Variants in SLC17A5 observed in about 807,000 individuals in gnomAD.
SLC17A5 encodes solute carrier family 17 member 5.
SLC17A5 carries 47 observed loss-of-function variants against 59.4 expected under a neutral mutation model. The ratio of observed to expected loss-of-function variants is 0.79; its 90% CI spans 0.63 to 1.01. SLC17A5 has a LOEUF of 1.01. Ranked by LOEUF, SLC17A5 falls within the 50% of genes least tolerant of loss-of-function variation. The probability of loss-of-function intolerance (pLI) is 0.00; values close to 1 mark genes in which losing one functional copy is unlikely to be tolerated. For synonymous variants in SLC17A5, 202 were observed against 210.7 expected (o/e 0.96, Z 0.36); for missense variants, 522 against 595.5 (o/e 0.88, Z 1.28).
At chr6:73,651,334 G>A (rs1769850892) in intron 1 of SLC17A5, among the ~76,000 whole-genome samples, 2 of 151,080 alleles carry the variant, frequency 1.3e-5, no homozygotes, top group African/African-American at 2.4e-5. Flanking sequence ...GGTGGCGTAG[G>A]CCTGTAATCC....
chr6:73,631,941 G>A (rs566535955), intron 6 of SLC17A5, among the ~76,000 whole-genome samples: 14 of 149,634 alleles, frequency 9.4e-5, no homozygotes, highest in East Asian at 5.8e-4. Context: ...TTGGGTCCAA[G>A]ATTTAAAGAT....
intron 7 of SLC17A5, among the ~76,000 whole-genome samples, chr6:73,616,163 C>T (rs892171762): frequency 3.9e-5 from 6 of 152,028 alleles, no homozygotes; most frequent in African/African-American, 1.4e-4. Flanking sequence ...GGATTACAGG[C>T]ATGAGCCACC....
chr6:73,643,273 G>A (rs970688668), intron 2 of SLC17A5, among the ~76,000 whole-genome samples: 3 of 147,552 alleles, frequency 2.0e-5, no homozygotes, highest in Non-Finnish European at 3.0e-5. Context: ...CCATTCCCCC[G>A]CTTCAGCCTC....
chr6:73,621,823 A>G lies in SLC17A5; in HGVS notation c.959T>C (p.Leu320Pro). 6.2e-7 allele frequency: 1 copy of G among 1,610,428 alleles called. No individual in the cohort carries two copies. The highest frequency in any genetic ancestry group is 8.5e-7 in the Non-Finnish European group (1 of 1,176,668). ...TCTTACCTCTTGAACATTGAACCTT[A>G]GGATCTCCTTCATATAAGTAGGCAA... is the stretch of plus-strand genomic sequence containing the variant. ...TLLPTYMKEILRFNVQENGFL... is the reference protein window; with the variant it reads ...TLLPTYMKEIPRFNVQENGFL... The change falls in exon 7 of 11, where the codon CTA becomes CCA. Residue 320 changes from leucine (L) to proline (P), a missense_variant. Leu to Pro is a moderately conservative substitution (Grantham distance 98). This residue lies in a region of SLC17A5 where 31 missense variants were observed against 63.2 expected (regional missense o/e 0.49). Transcript: ENST00000355773.
At chr6:73,624,593 C>T (rs998212518) in intron 6 of SLC17A5, among the ~76,000 whole-genome samples, 10 of 151,784 alleles carry the variant, frequency 6.6e-5, no homozygotes, top group South Asian at 6.3e-4. Context: ...AATAAATATA[C>T]GGCCAGGCGT....
At chr6:73,609,121 A>G (rs1053174526) in intron 9 of SLC17A5, among the ~76,000 whole-genome samples, 3 of 152,192 alleles carry the variant, frequency 2.0e-5, no homozygotes, top group Non-Finnish European at 2.9e-5. Context: ...AGAGGGTAAG[A>G]GTCCATCTGT....
At position 73,643,727 on chromosome 6, in the gene SLC17A5, T is replaced by C. The variant is rs571437267; in HGVS notation, c.291+680A>G. Among the ~76,000 whole-genome samples the C allele has an allele frequency of 9.2e-5, 14 of 152,296 alleles. No homozygotes were observed. The East Asian group carries it at 2.1e-3, about 23-fold the overall frequency. On this transcript the variant is annotated intron_variant, in intron 2 of 10. Coordinates refer to ENST00000355773, the MANE Select transcript of SLC17A5 (RefSeq NM_012434.5). ...ACTCACCTCAGGTGATCCACCTGCC[T>C]CAGCCTCCTAAAGTGCTGGGATTAC...
At position 73,594,893 on chromosome 6, in the gene SLC17A5, T is replaced by G; in HGVS notation, c.*184A>C. The G allele has an allele frequency of 3.0e-6, 2 of 665,824 alleles. No homozygotes were observed. The highest frequency in any genetic ancestry group is 5.1e-6 in the Non-Finnish European group (2 of 393,544). The allele number at this position is 665,824 out of a possible 1,614,324, so 41.2% of individuals were successfully genotyped here. ...GAAGTCCTAGCTTACATATTATTCA[T>G]AATTAAACACAGTTCATTTTATTAT... is the stretch of plus-strand genomic sequence containing the variant. On this transcript the variant is annotated 3_prime_UTR_variant, in exon 11 of 11. Transcript: ENST00000355773.
At chr6:73,600,271 C>T (rs1448910258) in intron 10 of SLC17A5, 80 bp downstream of exon 10, 34 of 1,081,508 alleles carry the variant, frequency 3.1e-5, no homozygotes, top group Non-Finnish European at 4.5e-5. Flanking sequence ...GAATTTTAAA[C>T]TTAATTAAAA....
chr6:73,653,714 C>T, intron 1 of SLC17A5, 79 bp downstream of exon 1: 1 of 1,381,706 alleles, frequency 7.2e-7, no homozygotes, highest in South Asian at 1.2e-5. Flanking sequence ...GGTGCGGGTA[C>T]CCGGGCCATG....
intron 5 of SLC17A5, 66 bp downstream of exon 5, chr6:73,636,552 CATT>C (rs1325015280): frequency 1.1e-6 from 1 of 883,402 alleles, no homozygotes; most frequent in East Asian, 2.6e-5. Context: ...ATTTTTAAAA[CATT>C]ATTAGGCTAC....
intron 10 of SLC17A5, among the ~76,000 whole-genome samples, chr6:73,599,138 C>T (rs768087167): frequency 2.0e-5 from 3 of 152,142 alleles, no homozygotes; most frequent in Non-Finnish European, 2.9e-5. Context: ...GCTGAGACTG[C>T]ACCACTGTAC....
chr6:73,642,675 T>C (rs1479805670), intron 2 of SLC17A5, among the ~76,000 whole-genome samples: 1 of 152,218 alleles, frequency 6.6e-6, no homozygotes, highest in Non-Finnish European at 1.5e-5. Flanking sequence ...GAAGATTTAG[T>C]GACTGATCTG....
chr6:73,620,746 G>A (rs1237549902), intron 7 of SLC17A5, among the ~76,000 whole-genome samples: 1 of 151,430 alleles, frequency 6.6e-6, no homozygotes, highest in Non-Finnish European at 1.5e-5. Context: ...TCCTGGGACA[G>A]AGTCTTGTTC....
Position 73,644,441 on chromosome 6 carries a change from T to C in SLC17A5, c.257A>G (p.His86Arg), listed in dbSNP as rs750233695. 1.2e-6 allele frequency: 2 copies of C among 1,614,000 alleles called. No individual in the cohort carries two copies. Among genetic ancestry groups the C allele is most frequent in the Non-Finnish European group, 1.7e-6 (2 of 1,179,940 alleles). Residue 86 changes from histidine (H) to arginine (R), a missense_variant, in exon 2 of 11, where the codon CAT becomes CGT. His to Arg is a conservative substitution (Grantham distance 29). Around this residue, in one of 3 missense-constraint regions of SLC17A5, gnomAD observed 338 missense variants for 363.8 expected, o/e 0.93. Transcript: ENST00000355773. ...ATGATGAACTTTTATGGGAGCAGAA[T>C]GCTCTGGACACGCCTTGGAAGTTCT... ...DNRTSKACPEHSAPIKVHHNQ... is the reference protein window; with the variant it reads ...DNRTSKACPERSAPIKVHHNQ...
rs1294153244 is a variant in SLC17A5 at position 73,632,677 on chromosome 6, A to G, written c.819+2705T>C. Among the ~76,000 whole-genome samples the G allele has an allele frequency of 1.3e-5, 2 of 151,478 alleles. 1 individual carries two copies. The highest frequency in any genetic ancestry group is 4.9e-5 in the African/African-American group (2 of 40,900). ...AGGCTGGTCTCAATTCCTGGGCCCA[A>G]GCAATCCTTCCATCTTGGCCTCCCT... On this transcript the variant is annotated intron_variant, in intron 6 of 10. Coordinates refer to ENST00000355773, the MANE Select transcript of SLC17A5 (RefSeq NM_012434.5).
chr6:73,616,902 T>C (rs1767897832), intron 7 of SLC17A5, among the ~76,000 whole-genome samples: 2 of 151,972 alleles, frequency 1.3e-5, no homozygotes, highest in South Asian at 4.2e-4. Flanking sequence ...CCACCGCGCC[T>C]GGCCTCTGAG....
rs148822073 is a variant in SLC17A5, at chr6:73,599,128, G to A, written c.1350+1223C>T. Among the ~76,000 whole-genome samples, 266 of 152,338 alleles carry A rather than the reference G, an allele frequency of 1.7e-3. 1 individual carries two copies. The highest frequency in any genetic ancestry group is 6.0e-3 in the African/African-American group (250 of 41,594). ...ACTTGGGAGGCAGAGGTTGCAGTGA[G>A]CTGAGACTGCACCACTGTACTCCAG... On this transcript the variant is annotated intron_variant, in intron 10 of 10. Transcript: ENST00000355773.
intron 10 of SLC17A5, among the ~76,000 whole-genome samples, chr6:73,600,079 C>T (rs1766987625): frequency 6.6e-6 from 1 of 152,184 alleles, no homozygotes; most frequent in Non-Finnish European, 1.5e-5. Flanking sequence ...CAGGCATGAG[C>T]CACTGCACCC....
Sources: allele counts gnomAD v4.1 joint callset (sites outside exome capture counted in the v4.1 genomes callset), GRCh38; gene constraint gnomAD v4.1.1; regional missense constraint gnomAD v4.1.1; transcripts MANE v1.5; gene names NCBI Gene and HGNC (gene_info 2026-07-23, HGNC 2026-07-21).